NDUFAF4: variants seen among roughly 807,000 people sequenced by gnomAD.
The protein encoded by NDUFAF4 is NADH dehydrogenase [ubiquinone] 1 alpha subcomplex assembly factor 4.
In NDUFAF4, 10 loss-of-function variants were observed where a neutral mutation model predicts 15.6. The observed-to-expected ratio is 0.64, with a 90% CI of 0.40 to 1.09. NDUFAF4 has a LOEUF of 1.09. Among genes scored for constraint, NDUFAF4 ranks in the 50% least tolerant of loss-of-function variants. The probability of loss-of-function intolerance (pLI) is 0.01; values close to 1 mark genes in which losing one functional copy is unlikely to be tolerated. For synonymous variants in NDUFAF4, 77 were observed against 73.3 expected, an observed-to-expected ratio of 1.05 and a Z score of -0.26; for missense variants, 203 against 207.3, an observed-to-expected ratio of 0.98 and a Z score of 0.13.
Position 96,889,561 on chromosome 6 carries a change from G to A in NDUFAF4, c.*1543C>T, listed in dbSNP as rs1322227141. The stretch of plus-strand genomic sequence containing the variant: ...TTGTATTGAACTAAAAATAAACTAG[G>A]TAGTTTGTTCACATAACAAATCTAC... On this transcript the variant is annotated 3_prime_UTR_variant, in exon 3 of 3. Coordinates refer to ENST00000316149, the MANE Select transcript of NDUFAF4 (RefSeq NM_014165.4). 6.6e-6 allele frequency: 1 copy of A among 152,326 alleles called. No homozygotes were observed. Among genetic ancestry groups the A allele is most frequent in the African/African-American group, 2.4e-5 (1 of 41,388 alleles). 9.4% of individuals were successfully genotyped at this position (152,326 alleles called of 1,614,324 possible). A position where few individuals can be genotyped will look rare whatever the true frequency, so the allele number is the denominator to read the frequency against.
intron 2 of NDUFAF4, 75 bp downstream of exon 2, chr6:96,896,669 T>C (rs1775377840): frequency 9.1e-6 from 11 of 1,203,942 alleles, no homozygotes; most frequent in Non-Finnish European, 1.4e-5. Flanking sequence ...TTTTTACTAC[T>C]TGCCACACTT....
In NDUFAF4 at chr6:96,897,840, T is replaced by C; in HGVS notation, c.-39A>G. The stretch of plus-strand genomic sequence containing the variant: ...TATGCGCTCAGGTTCAGGCCGCACG[T>C]GGGAACACCGGCGCAGGACAACTCC... On this transcript the variant is annotated 5_prime_UTR_variant, in exon 1 of 3. Transcript: ENST00000316149. 2 of 1,613,302 alleles carry C rather than the reference T, an allele frequency of 1.2e-6. No individual in the cohort carries two copies. The highest frequency in any genetic ancestry group is 1.7e-6 in the Non-Finnish European group (2 of 1,179,618).
At position 96,897,646 on chromosome 6, in the gene NDUFAF4, A is replaced by G. The variant is rs759404617; in HGVS notation, c.136+20T>C. 6.8e-6 allele frequency: 11 copies of G among 1,612,952 alleles called. No homozygotes were observed. The East Asian group carries it at 8.9e-5, about 13-fold the overall frequency. ...GGGACTCCGCGCCCCCGGGCCCCGA[A>G]ACGCCCTCGCACCACTCACGACTAA... On this transcript the variant is annotated intron_variant, in intron 1 of 2. Coordinates refer to ENST00000316149, the MANE Select transcript of NDUFAF4 (RefSeq NM_014165.4).
At position 96,891,082 on chromosome 6, in the gene NDUFAF4, T is replaced by A; in HGVS notation, c.*22A>T. 1 of 1,605,672 alleles carries A rather than the reference T, an allele frequency of 6.2e-7. No homozygotes were observed. Among genetic ancestry groups the A allele is most frequent in the Non-Finnish European group, 8.5e-7 (1 of 1,174,718 alleles). On this transcript the variant is annotated 3_prime_UTR_variant, in exon 3 of 3. Transcript: ENST00000316149. ...CAGCAGGAGGGATGAGGAGTACACATAGGAAATTTCTGTGATTTTCTTCAT... is the reference window on the plus strand; with the variant it reads ...CAGCAGGAGGGATGAGGAGTACACAAAGGAAATTTCTGTGATTTTCTTCAT...
intron 1 of NDUFAF4, 88 bp downstream of exon 1, chr6:96,897,577 TC>T: frequency 6.4e-7 from 1 of 1,562,118 alleles, no homozygotes; most frequent in South Asian, 1.1e-5. Flanking sequence ...CTGACGCCGA[TC>T]CCTCGGCCTC....
chr6:96,889,488 A>G lies in NDUFAF4; in HGVS notation c.*1616T>C, dbSNP rs2127973840. The G allele has an allele frequency of 1.3e-5, 2 of 152,394 alleles. No individual in the cohort carries two copies. Among genetic ancestry groups the G allele is most frequent in the Admixed American group, 1.3e-4 (2 of 15,298 alleles). The allele number at this position is 152,394 out of a possible 1,614,324, so 9.4% of individuals were successfully genotyped here. A position where few individuals can be genotyped will look rare whatever the true frequency, so the allele number is the denominator to read the frequency against. On this transcript the variant is annotated 3_prime_UTR_variant, in exon 3 of 3. Transcript: ENST00000316149. ...AGTTTTGACTTATTTACAGTTTTAAAATGCATTTTATATTGAGTAGTTATT... is the reference window on the plus strand; with the variant it reads ...AGTTTTGACTTATTTACAGTTTTAAGATGCATTTTATATTGAGTAGTTATT...
At chr6:96,896,888 A>T in intron 1 of NDUFAF4, 41 bp from the exon 2 acceptor site, 1 of 1,354,492 alleles carries the variant, frequency 7.4e-7, no homozygotes, top group Non-Finnish European at 1.1e-6. Flanking sequence ...AATCAAGGAA[A>T]ATTTCCTGTA....
At chr6:96,892,581 T>C (rs1253097580) in intron 2 of NDUFAF4, among the ~76,000 whole-genome samples, 1 of 152,140 alleles carries the variant, frequency 6.6e-6, no homozygotes, top group Non-Finnish European at 1.5e-5. Context: ...AGTTGCTTAA[T>C]TCAGAGGACA....
In NDUFAF4 at chr6:96,889,756, C is replaced by A. The variant is rs1775289359; in HGVS notation, c.*1348G>T. On this transcript the variant is annotated 3_prime_UTR_variant, in exon 3 of 3. Coordinates refer to ENST00000316149, the MANE Select transcript of NDUFAF4 (RefSeq NM_014165.4). Reference sequence around the variant, plus strand: ...TATCTTCCCTCGGAAGCACTAATAACCCTAATATACCCACAATTCACACCT... The same window carrying A: ...TATCTTCCCTCGGAAGCACTAATAAACCTAATATACCCACAATTCACACCT... The A allele has an allele frequency of 1.3e-5, 2 of 152,312 alleles. No individual in the cohort carries two copies. The highest frequency in any genetic ancestry group is 6.6e-5 in the Admixed American group (1 of 15,248). 9.4% of individuals were successfully genotyped at this position (152,312 alleles called of 1,614,324 possible).
In NDUFAF4 at chr6:96,890,109, C is replaced by G. The variant is rs898816156; in HGVS notation, c.*995G>C. 2 of 152,090 alleles carry G rather than the reference C, an allele frequency of 1.3e-5. No individual in the cohort carries two copies. The highest frequency in any genetic ancestry group is 2.9e-5 in the Non-Finnish European group (2 of 68,004). The allele number at this position is 152,090 out of a possible 1,614,324, so 9.4% of individuals were successfully genotyped here. On this transcript the variant is annotated 3_prime_UTR_variant, in exon 3 of 3. Coordinates refer to ENST00000316149, the MANE Select transcript of NDUFAF4 (RefSeq NM_014165.4). ...TTAGGCAGAGCTAAACTCACACACT[C>G]ACTCAAGATCCTAGTACTGGTACAT...
chr6:96,895,020 G>C (rs1321475416), intron 2 of NDUFAF4, among the ~76,000 whole-genome samples: 3 of 152,114 alleles, frequency 2.0e-5, no homozygotes, highest in Non-Finnish European at 4.4e-5. Flanking sequence ...AAGTAAAACT[G>C]ATGAGTCCAT....
At chr6:96,891,420 T>C (rs1775315250) in intron 2 of NDUFAF4, 29 bp from the exon 3 acceptor site, 4 of 1,588,610 alleles carry the variant, frequency 2.5e-6, no homozygotes, top group Non-Finnish European at 3.4e-6. Context: ...GGTTTTAGGA[T>C]GAGAGAAAAG....
intron 2 of NDUFAF4, among the ~76,000 whole-genome samples, chr6:96,894,932 A>C (rs1775353294): frequency 6.8e-6 from 1 of 148,004 alleles, no homozygotes; most frequent in Non-Finnish European, 1.5e-5. Flanking sequence ...AGAATGAGAG[A>C]AGACTATAAG....
Position 96,891,045 on chromosome 6 carries a change from T to G in NDUFAF4, c.*59A>C. ...TTAACATAATTTATTACGCAAAAAA[T>G]GAGAAAATATACAGCAGGAGGGATG... On this transcript the variant is annotated 3_prime_UTR_variant, in exon 3 of 3. Coordinates refer to ENST00000316149, the MANE Select transcript of NDUFAF4 (RefSeq NM_014165.4). The G allele has an allele frequency of 5.7e-5, 85 of 1,483,940 alleles. No individual in the cohort carries two copies. Among genetic ancestry groups the G allele is most frequent in the Non-Finnish European group, 7.4e-5 (80 of 1,076,132 alleles). The allele number at this position is 1,483,940 out of a possible 1,614,324, so 91.9% of individuals were successfully genotyped here. A position where few individuals can be genotyped will look rare whatever the true frequency, so the allele number is the denominator to read the frequency against.
chr6:96,897,012 C>T lies in NDUFAF4; in HGVS notation c.137-165G>A, dbSNP rs1188766951. ...CGCGATCTCGGCTCCCTGCAACCTC[C>T]GCCTCCCGGGTTCGAGAGATTCTCC... On this transcript the variant is annotated intron_variant, in intron 1 of 2. Coordinates refer to ENST00000316149, the MANE Select transcript of NDUFAF4 (RefSeq NM_014165.4). The T allele has an allele frequency of 8.5e-6, 5 of 585,600 alleles. No individual in the cohort carries two copies. In the East Asian group the frequency reaches 9.5e-5, roughly 11 times the overall value. 36.3% of individuals were successfully genotyped at this position (585,600 alleles called of 1,614,324 possible). A position where few individuals can be genotyped will look rare whatever the true frequency, so the allele number is the denominator to read the frequency against.
chr6:96,891,000 G>C lies in NDUFAF4; in HGVS notation c.*104C>G. ...TATTAAGAGTATGCCCTCACAATGA[G>C]AGCATTAAATATTTGGTAATTAACA... On this transcript the variant is annotated 3_prime_UTR_variant, in exon 3 of 3. Transcript: ENST00000316149. 1 of 1,055,214 alleles carries C rather than the reference G, an allele frequency of 9.5e-7. No homozygotes were observed. The highest frequency in any genetic ancestry group is 2.4e-5 in the East Asian group (1 of 41,030). 65.4% of individuals were successfully genotyped at this position (1,055,214 alleles called of 1,614,324 possible). A position where few individuals can be genotyped will look rare whatever the true frequency, so the allele number is the denominator to read the frequency against.
At chr6:96,894,637 T>G (rs1169848145) in intron 2 of NDUFAF4, among the ~76,000 whole-genome samples, 1 of 152,132 alleles carries the variant, frequency 6.6e-6, no homozygotes, top group African/African-American at 2.4e-5. Flanking sequence ...GTTTCAGGCA[T>G]CTACTGAGGG....
At position 96,891,341 on chromosome 6, in the gene NDUFAF4, T is replaced by C; in HGVS notation, c.291A>G (p.Lys97=). The change falls in exon 3 of 3, where the codon AAA becomes AAG. Residue 97 remains lysine, a synonymous_variant. Coordinates refer to ENST00000316149, the MANE Select transcript of NDUFAF4 (RefSeq NM_014165.4). ...TATTTATCATATCAAAATGATGGTC[T>C]TTCGGCAATCTGAATTCCTTCGGCT... ...CQEPKEFRLP[K]DHHFDMINIK... is the part of the protein sequence containing the mutation. The C allele has an allele frequency of 1.9e-6, 3 of 1,613,770 alleles. No homozygotes were observed. The South Asian group carries it at 3.3e-5, about 18-fold the overall frequency.
intron 1 of NDUFAF4, 62 bp downstream of exon 1, chr6:96,897,604 G>C (rs1775402875): frequency 1.9e-6 from 3 of 1,607,808 alleles, no homozygotes; most frequent in Non-Finnish European, 2.5e-6. Flanking sequence ...CCACGCTAGG[G>C]ACAGCCGGGC....
Sources: gnomAD v4.1 joint callset for allele counts (sites outside exome capture counted in the v4.1 genomes callset) on GRCh38, gnomAD v4.1.1 for gene constraint, MANE v1.5 for transcripts, NCBI Gene and HGNC (gene_info 2026-07-23, HGNC 2026-07-21) for gene names.